The following SLC44A1 variants were observed in gnomAD, a reference collection of about 807,000 sequenced individuals.
SLC44A1 encodes choline transporter-like protein 1.
In SLC44A1, 26 loss-of-function variants were observed where a neutral mutation model predicts 79.3. That is an observed-to-expected ratio of 0.33 (90% CI 0.24 to 0.46). The LOEUF is 0.46. Among genes scored for constraint, SLC44A1 ranks in the 20% least tolerant of loss-of-function variants. The pLI is 1.00. For synonymous variants in SLC44A1, 263 were observed against 286.2 expected (o/e 0.92, Z 0.82); for missense variants, 688 against 798.1 (o/e 0.86, Z 1.66).
At position 105,396,704 on chromosome 9, in the gene SLC44A1, A is replaced by G. The variant is rs1588867489; in HGVS notation, c.*7648A>G. 1.0e-6 allele frequency: 1 copy of G among 982,146 alleles called. No homozygotes were observed. The highest frequency in any genetic ancestry group is 1.2e-6 in the Non-Finnish European group (1 of 829,342). The allele number at this position is 982,146 out of a possible 1,614,324, so 60.8% of individuals were successfully genotyped here. A position where few individuals can be genotyped will look rare whatever the true frequency, so the allele number is the denominator to read the frequency against. On this transcript the variant is annotated 3_prime_UTR_variant, in exon 16 of 16. Transcript: ENST00000374720. ...ATGTTTTGGTGCCACATATTTCTCA[A>G]TCTGATGCCTTTTTGTCTTTTTTTT...
chr9:105,363,666 T>C (rs1827853231), intron 9 of SLC44A1, among the ~76,000 whole-genome samples: 1 of 151,980 alleles, frequency 6.6e-6, no homozygotes, highest in Non-Finnish European at 1.5e-5. Flanking sequence ...GGTTTCTCCA[T>C]GTTGCCCAGG....
chr9:105,257,350 C>T (rs574095700), intron 1 of SLC44A1, among the ~76,000 whole-genome samples: 2 of 152,300 alleles, frequency 1.3e-5, no homozygotes, highest in South Asian at 4.1e-4. Context: ...CCCGCCTTGG[C>T]CTCCCAAAGT....
intron 15 of SLC44A1, among the ~76,000 whole-genome samples, chr9:105,420,511 A>G (rs1040283946): frequency 6.6e-6 from 1 of 151,610 alleles, no homozygotes; most frequent in African/African-American, 2.4e-5. Context: ...TTTCTTTCAA[A>G]TTAAAAATGT....
chr9:105,246,761 G>A (rs1367117640), intron 1 of SLC44A1, among the ~76,000 whole-genome samples: 1 of 152,202 alleles, frequency 6.6e-6, no homozygotes, highest in Non-Finnish European at 1.5e-5. Context: ...TGGATAGCTT[G>A]TTCAGTGCAT....
Position 105,336,071 on chromosome 9 carries a change from A to C in SLC44A1, c.406+372A>C, listed in dbSNP as rs537416342. ...AAAAGTATTTCAATTCACATATATA[A>C]AAATTGAAATAAGTTTTATATGTTG... is the stretch of plus-strand genomic sequence containing the variant. On this transcript the variant is annotated intron_variant, in intron 4 of 15. Coordinates refer to ENST00000374720, the MANE Select transcript of SLC44A1 (RefSeq NM_080546.5). 2.5e-4 allele frequency among the ~76,000 whole-genome samples: 38 copies of C among 152,184 alleles called. No homozygotes were observed. The South Asian group carries it at 7.9e-3, about 32-fold the overall frequency.
chr9:105,382,384 C>G (rs1293145455), intron 13 of SLC44A1, among the ~76,000 whole-genome samples: 1 of 152,134 alleles, frequency 6.6e-6, no homozygotes, highest in Admixed American at 6.5e-5. Flanking sequence ...TTGGCTATTT[C>G]TTTTATTCTT....
chr9:105,427,437 T>A (rs1231580030), intron 15 of SLC44A1, among the ~76,000 whole-genome samples: 3 of 152,098 alleles, frequency 2.0e-5, no homozygotes, highest in African/African-American at 7.2e-5. Context: ...AAATATGATG[T>A]CTTTAACTTA....
chr9:105,285,607 T>C (rs148348979), intron 1 of SLC44A1, among the ~76,000 whole-genome samples: 3 of 152,246 alleles, frequency 2.0e-5, no homozygotes, highest in Admixed American at 1.3e-4. Context: ...TTAGTTCTTA[T>C]AGGTTTTGGG....
chr9:105,361,202 G>T lies in SLC44A1; in HGVS notation c.772G>T (p.Val258Leu). Residue 258 changes from valine to leucine, a missense_variant, in exon 8 of 16, where the codon GTA becomes TTA. By Grantham distance (32) the Val-to-Leu change is conservative. Transcript: ENST00000374720. ...TCTTTTGTCTCCAGGAGGCACAGGT[G>T]TACTATGGTGGCTGTATGCAAAGCA... is the stretch of plus-strand genomic sequence containing the variant. ...VILGSLGGTG[V>L]LWWLYAKQRR... The T allele has an allele frequency of 6.2e-7, 1 of 1,614,038 alleles. No homozygotes were observed. The highest frequency in any genetic ancestry group is 1.1e-5 in the South Asian group (1 of 91,080).
At chr9:105,368,063 C>T (rs1291077551) in intron 12 of SLC44A1, among the ~76,000 whole-genome samples, 2 of 152,074 alleles carry the variant, frequency 1.3e-5, no homozygotes, top group Non-Finnish European at 2.9e-5. Flanking sequence ...AGGAGATGTG[C>T]AGTTATACTG....
intron 1 of SLC44A1, among the ~76,000 whole-genome samples, chr9:105,274,082 C>A (rs1195015147): frequency 6.6e-6 from 1 of 151,978 alleles, no homozygotes; most frequent in Non-Finnish European, 1.5e-5. Context: ...GTGAATAAAG[C>A]CAATAAAAAA....
chr9:105,351,636 A>G lies in SLC44A1; in HGVS notation c.500+3185A>G, dbSNP rs541600454. On this transcript the variant is annotated intron_variant, in intron 5 of 15. Coordinates refer to ENST00000374720, the MANE Select transcript of SLC44A1 (RefSeq NM_080546.5). ...AAAGAAAGAAAGAGAGAGAAAGAGA[A>G]AGAAAGAAAGAAAGAAAGAAAGAAA... Among the ~76,000 whole-genome samples the G allele has an allele frequency of 4.3e-3, 570 of 133,636 alleles. 21 individuals carry two copies. The highest frequency in any genetic ancestry group is 0.015 in the African/African-American group (531 of 34,508). 87.7% of individuals were successfully genotyped at this position (133,636 alleles called of 152,430 possible). A position where few individuals can be genotyped will look rare whatever the true frequency, so the allele number is the denominator to read the frequency against.
intron 12 of SLC44A1, among the ~76,000 whole-genome samples, chr9:105,368,233 A>G (rs1290301542): frequency 4.0e-5 from 6 of 150,342 alleles, no homozygotes; most frequent in Non-Finnish European, 7.4e-5. Context: ...TCCATTTTGG[A>G]TCAGCATTTC....
At chr9:105,397,872 C>T (rs547211630), downstream of SLC44A1, among the ~76,000 whole-genome samples, 198 of 152,056 alleles carry the variant, frequency 1.3e-3, 1 homozygote, top group African/African-American at 4.6e-3. Flanking sequence ...GGCCTGAACC[C>T]GGGAGGCGGA....
chr9:105,430,873 T>C (rs560145218), intron 15 of SLC44A1, among the ~76,000 whole-genome samples: 3 of 152,308 alleles, frequency 2.0e-5, no homozygotes, highest in African/African-American at 7.2e-5. Context: ...AGCTGCCCCA[T>C]TTTACATTCC....
At chr9:105,313,725 A>T (rs1831242440) in intron 3 of SLC44A1, among the ~76,000 whole-genome samples, 1 of 152,088 alleles carries the variant, frequency 6.6e-6, no homozygotes, top group Non-Finnish European at 1.5e-5. Context: ...GGCTTAGAGT[A>T]TATATGTCAA....
chr9:105,404,674 A>G (rs1336747839), intron 15 of SLC44A1, among the ~76,000 whole-genome samples: 4 of 152,232 alleles, frequency 2.6e-5, no homozygotes, highest in African/African-American at 9.6e-5. Flanking sequence ...GAAAGCAGTT[A>G]AATACAACAG....
rs1485104259 is a variant in SLC44A1, at chr9:105,389,324, G to C, written c.*268G>C. The C allele has an allele frequency of 8.6e-7, 1 of 1,164,846 alleles. No homozygotes were observed. Among genetic ancestry groups the C allele is most frequent in the Non-Finnish European group, 1.1e-6 (1 of 945,218 alleles). 72.2% of individuals were successfully genotyped at this position (1,164,846 alleles called of 1,614,324 possible). A position where few individuals can be genotyped will look rare whatever the true frequency, so the allele number is the denominator to read the frequency against. ...CTTCCGTCATTTAATGTTTTCAACT[G>C]TAATTGTCTTAATGGAAATGTTAAA... On this transcript the variant is annotated 3_prime_UTR_variant, in exon 16 of 16. Transcript: ENST00000374720.
intron 2 of SLC44A1, among the ~76,000 whole-genome samples, chr9:105,301,917 C>T (rs117013808): frequency 3.3e-5 from 5 of 152,168 alleles, no homozygotes; most frequent in African/African-American, 9.7e-5. Flanking sequence ...TACCTTTATT[C>T]TCTGACTTTA....
Sources: allele counts gnomAD v4.1 joint callset (sites outside exome capture counted in the v4.1 genomes callset), GRCh38; gene constraint gnomAD v4.1.1; transcripts MANE v1.5; gene names NCBI Gene and HGNC (gene_info 2026-07-23, HGNC 2026-07-21).